PRKG2: variants seen among roughly 807,000 people sequenced by gnomAD.
PRKG2 encodes the protein cGMP-dependent protein kinase 2.
A neutral mutation model predicts 97.2 loss-of-function variants in PRKG2; 33 were observed. The ratio of observed to expected loss-of-function variants is 0.34; its 90% CI spans 0.26 to 0.45. The LOEUF (loss-of-function observed/expected upper bound fraction) is 0.45. Ranked by LOEUF, PRKG2 falls within the 20% of genes least tolerant of loss-of-function variation. PRKG2 has a pLI of 1.00. For synonymous variants in PRKG2, 330 were observed against 321.8 expected (o/e 1.03, Z -0.27); for missense variants, 638 against 900.0 (o/e 0.71, Z 3.73).
chr4:81,199,557 A>G (rs1246446691), intron 2 of PRKG2, among the ~76,000 whole-genome samples: 1 of 152,184 alleles, frequency 6.6e-6, no homozygotes, highest in Non-Finnish European at 1.5e-5. Context: ...GTTTTCTCAT[A>G]TATAAAATGG....
intron 6 of PRKG2, among the ~76,000 whole-genome samples, chr4:81,163,150 C>T (rs1394788030): frequency 3.9e-5 from 6 of 152,092 alleles, no homozygotes; most frequent in Non-Finnish European, 8.8e-5. Context: ...AATAATACCT[C>T]CCAGTGTGTT....
In PRKG2 at chr4:81,204,642, G is replaced by A; in HGVS notation, c.406C>T (p.Leu136=). Residue 136 remains leucine, a synonymous_variant, in exon 2 of 19, where the codon CTG becomes TTG. Transcript: ENST00000264399. Reference sequence around the variant, plus strand: ...AAGGAAAATTCAGGGGGTTTGTTCAGGTCATAGGTCCGGGTTGTTGGCTCA... The same window carrying A: ...AAGGAAAATTCAGGGGGTTTGTTCAAGTCATAGGTCCGGGTTGTTGGCTCA... The part of the protein sequence containing the change: ...SAEPTTRTYD[L]NKPPEFSFEK... The A allele has an allele frequency of 6.2e-7, 1 of 1,614,176 alleles. No homozygotes were observed. Among genetic ancestry groups the A allele is most frequent in the Non-Finnish European group, 8.5e-7 (1 of 1,180,034 alleles).
intron 6 of PRKG2, among the ~76,000 whole-genome samples, chr4:81,163,916 T>C (rs563710908): frequency 1.8e-4 from 28 of 151,954 alleles, no homozygotes; most frequent in Admixed American, 1.4e-3. Flanking sequence ...CTGTGCATTA[T>C]GTGACTATGT....
chr4:81,210,575 C>T (rs1753915774), intron 1 of PRKG2, among the ~76,000 whole-genome samples: 1 of 152,122 alleles, frequency 6.6e-6, no homozygotes, highest in Non-Finnish European at 1.5e-5. Context: ...GAATATGGAG[C>T]AACAGGAATG....
At chr4:81,089,947 T>C (rs950280566) in intron 18 of PRKG2, 144 bp from the exon 19 acceptor site, 3 of 666,880 alleles carry the variant, frequency 4.5e-6, no homozygotes, top group Admixed American at 5.5e-5. Context: ...TGACCAATTA[T>C]CATTCTTGAG....
intron 1 of PRKG2, among the ~76,000 whole-genome samples, chr4:81,212,554 G>A (rs1256792460): frequency 6.6e-6 from 1 of 152,214 alleles, no homozygotes; most frequent in Non-Finnish European, 1.5e-5. Context: ...GAGCAGATTT[G>A]AGGGATAGGA....
At chr4:81,091,211 A>C (rs1741495652) in intron 18 of PRKG2, among the ~76,000 whole-genome samples, 1 of 152,230 alleles carries the variant, frequency 6.6e-6, no homozygotes, top group Non-Finnish European at 1.5e-5. Context: ...GATAGGTATT[A>C]AATCTCAATG....
intron 12 of PRKG2, among the ~76,000 whole-genome samples, chr4:81,138,308 C>A (rs1746916701): frequency 6.6e-6 from 1 of 152,076 alleles, no homozygotes; most frequent in Admixed American, 6.6e-5. Context: ...CCTTAATCAT[C>A]AAGAGACCCC....
intron 6 of PRKG2, among the ~76,000 whole-genome samples, chr4:81,154,428 C>T (rs1164334504): frequency 4.0e-5 from 6 of 151,186 alleles, no homozygotes; most frequent in South Asian, 2.1e-4. Flanking sequence ...GATCTGAGAA[C>T]GGGCAGACTG....
rs1460085877 is a variant in PRKG2 at position 81,215,107 on chromosome 4, G to C, written c.-185C>G. On this transcript the variant is annotated 5_prime_UTR_variant, in exon 1 of 19. Coordinates refer to ENST00000264399, the MANE Select transcript of PRKG2 (RefSeq NM_006259.3). ...ACACGGTGCGCAGCGTGGGCCCGGG[G>C]CTGCCGGCTCAGTCGCTCCGGCTAC... 6.6e-6 allele frequency: 1 copy of C among 152,308 alleles called. No homozygotes were observed. Among genetic ancestry groups the C allele is most frequent in the African/African-American group, 2.4e-5 (1 of 41,468 alleles). The allele number at this position is 152,308 out of a possible 1,614,324, so 9.4% of individuals were successfully genotyped here.
At chr4:81,134,735 T>G (rs905650597) in intron 14 of PRKG2, among the ~76,000 whole-genome samples, 1 of 152,018 alleles carries the variant, frequency 6.6e-6, no homozygotes, top group African/African-American at 2.4e-5. Context: ...TCAAGAAAAC[T>G]ACTAAAGTCT....
At chr4:81,098,599 G>A (rs1742369363) in intron 17 of PRKG2, among the ~76,000 whole-genome samples, 1 of 152,126 alleles carries the variant, frequency 6.6e-6, no homozygotes, top group Non-Finnish European at 1.5e-5. Context: ...GGCCATTGTA[G>A]GGTTATTAAT....
chr4:81,189,676 G>A (rs1484690888), intron 2 of PRKG2, among the ~76,000 whole-genome samples: 1 of 151,636 alleles, frequency 6.6e-6, no homozygotes, highest in African/African-American at 2.4e-5. Context: ...ACGAGTTAAT[G>A]GGTGCAGCAC....
At chr4:81,207,264 C>T (rs1753731913) in intron 1 of PRKG2, among the ~76,000 whole-genome samples, 1 of 152,070 alleles carries the variant, frequency 6.6e-6, no homozygotes, top group African/African-American at 2.4e-5. Flanking sequence ...CATCAGTGAC[C>T]CATTTTCTAG....
At chr4:81,145,007 T>C (rs1560576535) in intron 9 of PRKG2, among the ~76,000 whole-genome samples, 1 of 152,096 alleles carries the variant, frequency 6.6e-6, no homozygotes, top group African/African-American at 2.4e-5. Context: ...CAGTCTATCA[T>C]TGTTGGACAT....
intron 12 of PRKG2, among the ~76,000 whole-genome samples, chr4:81,139,595 G>A (rs193197376): frequency 0.016 from 2,446 of 149,666 alleles, 33 homozygotes; most frequent in South Asian, 0.054. Context: ...GTGAAACCCC[G>A]TCTCTACTAA....
chr4:81,110,433 C>A lies in PRKG2; in HGVS notation c.1940+15G>T, dbSNP rs747918492. ...TCTCTGAAGAGGTGGCTGCATAAAA[C>A]TTGAAGGTACATACTTGCCCGTTAG... On this transcript the variant is annotated intron_variant, in intron 15 of 18. Transcript: ENST00000264399. 3.8e-6 allele frequency: 6 copies of A among 1,599,466 alleles called. No homozygotes were observed. In the Admixed American group the frequency reaches 7.2e-5, roughly 19 times the overall value.
intron 14 of PRKG2, among the ~76,000 whole-genome samples, chr4:81,120,089 T>C (rs933445405): frequency 5.3e-5 from 8 of 152,184 alleles, no homozygotes; most frequent in Admixed American, 2.0e-4. Context: ...GTAGACAAGA[T>C]TGAAAACCTA....
intron 2 of PRKG2, among the ~76,000 whole-genome samples, chr4:81,198,064 A>ACAG (rs1753071624): frequency 6.6e-6 from 1 of 152,234 alleles, no homozygotes; most frequent in African/African-American, 2.4e-5. Flanking sequence ...CAGAGTCAGC[A>ACAG]CAGTGCTAAC....
Sources: allele counts gnomAD v4.1 joint callset (sites outside exome capture counted in the v4.1 genomes callset), GRCh38; gene constraint gnomAD v4.1.1; transcripts MANE v1.5; gene names NCBI Gene and HGNC (gene_info 2026-07-23, HGNC 2026-07-21).